The following ZDHHC21 variants were observed in gnomAD, a reference collection of about 807,000 sequenced individuals.
The protein encoded by ZDHHC21 is palmitoyltransferase ZDHHC21.
ZDHHC21 carries 15 observed loss-of-function variants against 34.6 expected under a neutral mutation model. The ratio of observed to expected loss-of-function variants is 0.43; its 90% CI spans 0.29 to 0.67. The LOEUF is 0.67. Among genes scored for constraint, ZDHHC21 ranks in the 30% least tolerant of loss-of-function variants. ZDHHC21 has a pLI of 0.14. For synonymous variants in ZDHHC21, 142 were observed against 101.8 expected (o/e 1.40, Z -2.38); for missense variants, 344 against 327.7 (o/e 1.05, Z -0.38).
intron 5 of ZDHHC21, among the ~76,000 whole-genome samples, chr9:14,665,700 T>G (rs1178023000): frequency 7.1e-6 from 1 of 139,956 alleles, no homozygotes; most frequent in African/African-American, 2.6e-5. Context: ...TATTCAACAT[T>G]CTTAAAGAAA....
chr9:14,602,914 G>A, the ZDHHC21 span, among the ~76,000 whole-genome samples: 2,467 of 105,732 alleles, frequency 0.023, 72 homozygotes, highest in African/African-American at 0.086. Context: ...AAAACAGAGA[G>A]AGAGACTTCA....
At chr9:14,596,741 C>A in the ZDHHC21 span, among the ~76,000 whole-genome samples, 1 of 152,116 alleles carries the variant, frequency 6.6e-6, no homozygotes, top group African/African-American at 2.4e-5. Flanking sequence ...TAACAGAGAA[C>A]AAAATATCCC....
intron 5 of ZDHHC21, among the ~76,000 whole-genome samples, chr9:14,671,720 G>C (rs1835478720): frequency 1.3e-5 from 2 of 152,014 alleles, no homozygotes; most frequent in African/African-American, 2.4e-5. Flanking sequence ...ATGTTCTAAA[G>C]TTGATTGCAG....
At chr9:14,687,886 G>C (rs1838581748) in intron 2 of ZDHHC21, among the ~76,000 whole-genome samples, 1 of 150,766 alleles carries the variant, frequency 6.6e-6, no homozygotes, top group Non-Finnish European at 1.5e-5. Flanking sequence ...ATGCTTATTA[G>C]ATGAATATAT....
At chr9:14,684,463 G>C (rs1039810542) in intron 2 of ZDHHC21, among the ~76,000 whole-genome samples, 2 of 145,594 alleles carry the variant, frequency 1.4e-5, no homozygotes, top group African/African-American at 5.0e-5. Context: ...TTGCCTCAAA[G>C]AGAATAAAAT....
intron 8 of ZDHHC21, among the ~76,000 whole-genome samples, chr9:14,626,234 T>C (rs569590208): frequency 6.6e-6 from 1 of 152,068 alleles, no homozygotes; most frequent in East Asian, 1.9e-4. Context: ...TGTACATAAA[T>C]TATTGTGCCA....
At chr9:14,598,666 G>T in the ZDHHC21 span, among the ~76,000 whole-genome samples, 1 of 152,074 alleles carries the variant, frequency 6.6e-6, no homozygotes, top group Non-Finnish European at 1.5e-5. Flanking sequence ...AAAGCTCAGT[G>T]AAATATAAGA....
At chr9:14,606,643 T>C (rs1178078034), downstream of ZDHHC21, among the ~76,000 whole-genome samples, 1 of 152,116 alleles carries the variant, frequency 6.6e-6, no homozygotes, top group Non-Finnish European at 1.5e-5. Context: ...GGTTTTTTTA[T>C]GGCACTAAGT....
the ZDHHC21 span, among the ~76,000 whole-genome samples, chr9:14,598,490 G>A: frequency 6.6e-6 from 1 of 152,042 alleles, no homozygotes; most frequent in Non-Finnish European, 1.5e-5. Context: ...AAAGGAAAAA[G>A]CAACTATTAC....
At chr9:14,607,274 C>T (rs1823042250), downstream of ZDHHC21, among the ~76,000 whole-genome samples, 1 of 151,986 alleles carries the variant, frequency 6.6e-6, no homozygotes, top group South Asian at 2.1e-4. Flanking sequence ...ATGGCAAAAT[C>T]CCGACTCTAC....
chr9:14,595,482 G>A, the ZDHHC21 span, among the ~76,000 whole-genome samples: 32 of 152,148 alleles, frequency 2.1e-4, no homozygotes, highest in Non-Finnish European at 2.9e-5. Flanking sequence ...GCATATTAGT[G>A]GTTGCCAGAG....
At chr9:14,648,892 T>A (rs1830725616) in intron 7 of ZDHHC21, among the ~76,000 whole-genome samples, 1 of 152,096 alleles carries the variant, frequency 6.6e-6, no homozygotes, top group Non-Finnish European at 1.5e-5. Flanking sequence ...AACCACAGCT[T>A]ATACGTACTT....
At chr9:14,643,993 G>C (rs1488793727) in intron 7 of ZDHHC21, among the ~76,000 whole-genome samples, 1 of 152,088 alleles carries the variant, frequency 6.6e-6, no homozygotes, top group African/African-American at 2.4e-5. Context: ...ATTTGTATTT[G>C]CATAAAAATT....
the ZDHHC21 span, among the ~76,000 whole-genome samples, chr9:14,597,579 G>A: frequency 6.6e-6 from 1 of 152,244 alleles, no homozygotes; most frequent in South Asian, 2.1e-4. Context: ...TTGCCCCAGT[G>A]CCACGCAGAG....
intron 7 of ZDHHC21, among the ~76,000 whole-genome samples, chr9:14,655,168 A>G (rs568036845): frequency 6.6e-6 from 1 of 152,232 alleles, no homozygotes; most frequent in Non-Finnish European, 1.5e-5. Flanking sequence ...AACTGACTTT[A>G]CAACAGAAAT....
chr9:14,662,197 G>C lies in ZDHHC21; in HGVS notation c.365+18C>G, dbSNP rs372624522. ...TTACCCACCCCTCTTTTCTTTGCTA[G>C]AAGTGAATTATTCTTACCATGGACA... On this transcript the variant is annotated intron_variant, in intron 6 of 9. Coordinates refer to ENST00000380916, the MANE Select transcript of ZDHHC21 (RefSeq NM_178566.6). The C allele has an allele frequency of 8.4e-6, 13 of 1,545,918 alleles. No individual in the cohort carries two copies. Among genetic ancestry groups the C allele is most frequent in the Admixed American group, 2.0e-5 (1 of 49,614 alleles).
rs757264793 is a variant in ZDHHC21, at chr9:14,615,991, T to C, written c.*2975A>G. Reference sequence around the variant, plus strand: ...TCCAGAATACATAAGAAATTGTTACTAAAACTATAGATATAACTCTGCGAA... The same window carrying C: ...TCCAGAATACATAAGAAATTGTTACCAAAACTATAGATATAACTCTGCGAA... On this transcript the variant is annotated 3_prime_UTR_variant, in exon 10 of 10. Coordinates refer to ENST00000380916, the MANE Select transcript of ZDHHC21 (RefSeq NM_178566.6). 2 of 151,496 alleles carry C rather than the reference T, an allele frequency of 1.3e-5. No homozygotes were observed. The highest frequency in any genetic ancestry group is 3.0e-5 in the Non-Finnish European group (2 of 67,670). 9.4% of individuals were successfully genotyped at this position (151,496 alleles called of 1,614,324 possible). A position where few individuals can be genotyped will look rare whatever the true frequency, so the allele number is the denominator to read the frequency against.
chr9:14,666,629 C>T (rs1375631049), intron 5 of ZDHHC21, among the ~76,000 whole-genome samples: 1 of 108,996 alleles, frequency 9.2e-6, no homozygotes, highest in Non-Finnish European at 2.1e-5. Context: ...TGTAAAAGAA[C>T]AGAAATTATA....
the ZDHHC21 span, among the ~76,000 whole-genome samples, chr9:14,599,452 C>A: frequency 9.2e-4 from 140 of 152,282 alleles, 1 homozygote; most frequent in African/African-American, 3.2e-3. Context: ...TCACAACCTG[C>A]AGACCAGGAG....
Sources: allele counts gnomAD v4.1 joint callset (sites outside exome capture counted in the v4.1 genomes callset), GRCh38; gene constraint gnomAD v4.1.1; transcripts MANE v1.5; gene names NCBI Gene and HGNC (gene_info 2026-07-23, HGNC 2026-07-21).